The following ARHGAP24 variants were observed in gnomAD, a reference collection of about 807,000 sequenced individuals.
ARHGAP24 encodes rho GTPase-activating protein 24.
A neutral mutation model predicts 76.4 loss-of-function variants in ARHGAP24; 50 were observed. The ratio of observed to expected loss-of-function variants is 0.65; its 90% CI spans 0.52 to 0.83. ARHGAP24 has a LOEUF of 0.83. Among genes scored for constraint, ARHGAP24 ranks in the 40% least tolerant of loss-of-function variants. The pLI is 0.00. For synonymous variants in ARHGAP24, 345 were observed against 323.3 expected (o/e 1.07, Z -0.72); for missense variants, 930 against 914.2 (o/e 1.02, Z -0.22).
At chr4:85,839,734 A>G (rs1730483353) in intron 3 of ARHGAP24, among the ~76,000 whole-genome samples, 1 of 151,542 alleles carries the variant, frequency 6.6e-6, no homozygotes. Context: ...CAGGAATTCT[A>G]ATATTTTTTA....
intron 3 of ARHGAP24, among the ~76,000 whole-genome samples, chr4:85,742,511 G>A (rs1350205084): frequency 6.6e-6 from 1 of 152,190 alleles, no homozygotes; most frequent in East Asian, 1.9e-4. Context: ...AAAAGTGTGT[G>A]TACTATATGT....
At chr4:85,678,752 A>T (rs1723090862) in intron 2 of ARHGAP24, among the ~76,000 whole-genome samples, 1 of 152,194 alleles carries the variant, frequency 6.6e-6, no homozygotes, top group Non-Finnish European at 1.5e-5. Context: ...CTGACAATAA[A>T]AACATGATTC....
intron 3 of ARHGAP24, among the ~76,000 whole-genome samples, chr4:85,764,320 G>A (rs1726847051): frequency 6.6e-6 from 1 of 151,954 alleles, no homozygotes; most frequent in African/African-American, 2.4e-5. Context: ...TTTTACTGTT[G>A]TTCTCCCCTG....
intron 1 of ARHGAP24, among the ~76,000 whole-genome samples, chr4:85,535,236 AAAAGCTGGAGTC>A (rs1725423742): frequency 6.6e-6 from 1 of 152,186 alleles, no homozygotes; most frequent in African/African-American, 2.4e-5. Flanking sequence ...AAGTTTTTTA[AAAAGCTGGAGTC>A]AAAGTGGTCA....
intron 3 of ARHGAP24, among the ~76,000 whole-genome samples, chr4:85,884,262 TC>T (rs956888729): frequency 5.3e-5 from 8 of 152,200 alleles, no homozygotes; most frequent in Admixed American, 2.6e-4. Context: ...CACTATGTGA[TC>T]TTAGAAGATT....
intron 2 of ARHGAP24, among the ~76,000 whole-genome samples, chr4:85,716,060 G>C (rs941323816): frequency 6.6e-6 from 1 of 151,978 alleles, no homozygotes; most frequent in African/African-American, 2.4e-5. Flanking sequence ...CTAGTTCACT[G>C]TGATGCTCAT....
At chr4:85,560,550 A>C (rs904894764) in intron 1 of ARHGAP24, among the ~76,000 whole-genome samples, 1 of 152,168 alleles carries the variant, frequency 6.6e-6, no homozygotes, top group Non-Finnish European at 1.5e-5. Context: ...GAACAATTTA[A>C]TCAAGCAACA....
At position 86,000,462 on chromosome 4, in the gene ARHGAP24, C is replaced by T. The variant is rs761528082; in HGVS notation, c.2004-17C>T. The T allele has an allele frequency of 2.2e-6, 2 of 901,054 alleles. No homozygotes were observed. Among genetic ancestry groups the T allele is most frequent in the Non-Finnish European group, 3.3e-6 (2 of 603,838 alleles). 55.8% of individuals were successfully genotyped at this position (901,054 alleles called of 1,614,324 possible). Reference sequence around the variant, plus strand: ...TCTTGCGTCCCCACCCCCCACCCCCCCCAACATCCTTTGTAGCTTAGAACA... The same window carrying T: ...TCTTGCGTCCCCACCCCCCACCCCCTCCAACATCCTTTGTAGCTTAGAACA... On this transcript the variant is annotated splice_polypyrimidine_tract_variant and intron_variant, in intron 9 of 9. Transcript: ENST00000395184.
chr4:85,589,333 T>G (rs182760005), intron 2 of ARHGAP24, among the ~76,000 whole-genome samples: 56 of 152,342 alleles, frequency 3.7e-4, no homozygotes, highest in Non-Finnish European at 7.2e-4. Context: ...CTTGAAATTT[T>G]GATAGTTCTT....
At position 85,906,596 on chromosome 4, in the gene ARHGAP24, A is replaced by G. The variant is rs565979849; in HGVS notation, c.269-17052A>G. Among the ~76,000 whole-genome samples, 14 of 152,350 alleles carry G rather than the reference A, an allele frequency of 9.2e-5. No individual in the cohort carries two copies. In the South Asian group the frequency reaches 2.9e-3, roughly 32 times the overall value. On this transcript the variant is annotated intron_variant, in intron 3 of 9. Transcript: ENST00000395184. ...CCTAGCTCTAGCTTTACAAGCTAAC[A>G]TAAACTAAGAGCAAAAGATGCCTGA...
chr4:85,608,479 A>G (rs1245481553), intron 2 of ARHGAP24, among the ~76,000 whole-genome samples: 2 of 150,364 alleles, frequency 1.3e-5, no homozygotes, highest in East Asian at 2.0e-4. Context: ...CATAAACAAT[A>G]GTGTTCATCT....
chr4:85,978,385 A>G (rs1739457873), intron 8 of ARHGAP24, among the ~76,000 whole-genome samples: 1 of 152,196 alleles, frequency 6.6e-6, no homozygotes, highest in African/African-American at 2.4e-5. Context: ...CCTGGATTTT[A>G]CTACCTGATA....
At position 86,002,583 on chromosome 4, in the gene ARHGAP24, A is replaced by T. The variant is rs959032339; in HGVS notation, c.*1861A>T. On this transcript the variant is annotated 3_prime_UTR_variant, in exon 10 of 10. Coordinates refer to ENST00000395184, the MANE Select transcript of ARHGAP24 (RefSeq NM_001025616.3). Reference sequence around the variant, plus strand: ...CAAACTGCTTGGGTTCAAATGGTATACAATTTGCCAGCTGTTACTGAACCT... The same window carrying T: ...CAAACTGCTTGGGTTCAAATGGTATTCAATTTGCCAGCTGTTACTGAACCT... 4 of 152,160 alleles carry T rather than the reference A, an allele frequency of 2.6e-5. No homozygotes were observed. Among genetic ancestry groups the T allele is most frequent in the African/African-American group, 7.2e-5 (3 of 41,428 alleles). The allele number at this position is 152,160 out of a possible 1,614,324, so 9.4% of individuals were successfully genotyped here.
chr4:85,538,126 C>T (rs1172598879), intron 1 of ARHGAP24, among the ~76,000 whole-genome samples: 2 of 151,990 alleles, frequency 1.3e-5, no homozygotes, highest in Non-Finnish European at 2.9e-5. Context: ...ATAACATCTT[C>T]ACAGGTTTCT....
chr4:85,513,307 A>G (rs992916659), intron 1 of ARHGAP24, among the ~76,000 whole-genome samples: 5 of 152,170 alleles, frequency 3.3e-5, no homozygotes, highest in Non-Finnish European at 5.9e-5. Flanking sequence ...CCTGAGCCCC[A>G]TTTCAGGCAC....
chr4:85,913,848 G>T (rs1161440618), intron 3 of ARHGAP24, among the ~76,000 whole-genome samples: 1 of 152,156 alleles, frequency 6.6e-6, no homozygotes, highest in African/African-American at 2.4e-5. Context: ...AATAAAATGA[G>T]TAAGTTCTGA....
At chr4:85,690,761 T>G (rs182760257) in intron 2 of ARHGAP24, among the ~76,000 whole-genome samples, 2 of 151,406 alleles carry the variant, frequency 1.3e-5, no homozygotes, top group Admixed American at 6.6e-5. Context: ...CAATCTTGTT[T>G]TTTTTTTTTT....
chr4:85,891,219 G>C (rs1050191701), intron 3 of ARHGAP24, among the ~76,000 whole-genome samples: 1 of 152,130 alleles, frequency 6.6e-6, no homozygotes, highest in Non-Finnish European at 1.5e-5. Flanking sequence ...ATTTCAGGAA[G>C]GCTTTGCTGA....
chr4:85,548,382 G>A (rs1725999136), intron 1 of ARHGAP24, among the ~76,000 whole-genome samples: 1 of 152,122 alleles, frequency 6.6e-6, no homozygotes, highest in Non-Finnish European at 1.5e-5. Flanking sequence ...GTGAATATAT[G>A]TTGATTTTTA....
Sources: allele counts gnomAD v4.1 joint callset (sites outside exome capture counted in the v4.1 genomes callset), GRCh38; gene constraint gnomAD v4.1.1; transcripts MANE v1.5; gene names NCBI Gene and HGNC (gene_info 2026-07-23, HGNC 2026-07-21).